The following IQCK variants were observed in gnomAD, a reference collection of about 807,000 sequenced individuals.
The protein encoded by IQCK is IQ motif containing K, also known as IQ domain-containing protein K.
Under a neutral mutation model 28.1 loss-of-function variants are expected in IQCK, and 29 were observed. That is an observed-to-expected ratio of 1.03 (90% CI 0.77 to 1.41). IQCK has a LOEUF of 1.41. IQCK is among the 40% of genes most tolerant of loss of function. The probability of loss-of-function intolerance (pLI) is 0.00; values close to 1 mark genes in which losing one functional copy is unlikely to be tolerated. For synonymous variants in IQCK, 113 were observed against 115.1 expected (o/e 0.98, Z 0.12); for missense variants, 359 against 314.7 (o/e 1.14, Z -1.07).
intron 9 of IQCK, among the ~76,000 whole-genome samples, chr16:19,844,772 A>T (rs2141116130): frequency 6.6e-6 from 1 of 152,192 alleles, no homozygotes; most frequent in African/African-American, 2.4e-5. Flanking sequence ...CAAACACCTT[A>T]CCAAACATGA....
chr16:19,725,341 C>T (rs755614212), intron 1 of IQCK, among the ~76,000 whole-genome samples: 6 of 152,190 alleles, frequency 3.9e-5, no homozygotes, highest in African/African-American at 4.8e-5. Flanking sequence ...GGATTACAGG[C>T]GTGCGCCACC....
intron 4 of IQCK, among the ~76,000 whole-genome samples, chr16:19,739,692 G>A (rs934612778): frequency 1.3e-5 from 2 of 152,104 alleles, no homozygotes; most frequent in Admixed American, 6.5e-5. Flanking sequence ...GCACATGCCT[G>A]TGGTTCCAGT....
At chr16:19,837,844 T>G (rs1448256041) in intron 9 of IQCK, among the ~76,000 whole-genome samples, 1 of 152,204 alleles carries the variant, frequency 6.6e-6, no homozygotes, top group Non-Finnish European at 1.5e-5. Context: ...AGCAAAGCCC[T>G]AATACTATGG....
chr16:19,840,355 C>CA (rs2141110799), intron 9 of IQCK, among the ~76,000 whole-genome samples: 1 of 151,974 alleles, frequency 6.6e-6, no homozygotes, highest in African/African-American at 2.4e-5. Flanking sequence ...GACTCCGTTT[C>CA]AAAAAATAAT....
chr16:19,779,126 A>C (rs964832327), intron 6 of IQCK, among the ~76,000 whole-genome samples: 5 of 152,066 alleles, frequency 3.3e-5, no homozygotes, highest in African/African-American at 1.2e-4. Flanking sequence ...GGGATTACAG[A>C]CGTGAGCCAC....
chr16:19,722,098 A>G (rs1977513754), intron 1 of IQCK, among the ~76,000 whole-genome samples: 1 of 152,262 alleles, frequency 6.6e-6, no homozygotes, highest in South Asian at 2.1e-4. Context: ...GATGACCCCA[A>G]CTGGCTCTCA....
chr16:19,833,215 T>G (rs1444891181), intron 9 of IQCK, among the ~76,000 whole-genome samples: 2 of 152,228 alleles, frequency 1.3e-5, no homozygotes, highest in Non-Finnish European at 2.9e-5. Context: ...TTATTCATCT[T>G]ATAACTGAAA....
intron 1 of IQCK, among the ~76,000 whole-genome samples, chr16:19,727,109 C>T (rs1288265961): frequency 1.4e-4 from 21 of 145,618 alleles, no homozygotes; most frequent in Admixed American, 4.2e-4. Flanking sequence ...CCAGCCTGGG[C>T]GACGGAGCAA....
At chr16:19,804,089 G>A (rs9926151) in intron 7 of IQCK, among the ~76,000 whole-genome samples, 42,907 of 151,970 alleles carry the variant, frequency 0.28, 8,325 homozygotes, top group African/African-American at 0.55. Flanking sequence ...GGCGGCTCAC[G>A]CCTGTAATCC....
At chr16:19,808,763 T>A (rs2055863668) in intron 7 of IQCK, among the ~76,000 whole-genome samples, 1 of 152,222 alleles carries the variant, frequency 6.6e-6, no homozygotes, top group African/African-American at 2.4e-5. Flanking sequence ...ATGAGTCCTG[T>A]GCAGTTGCAC....
At chr16:19,838,864 C>T (rs2056330117) in intron 9 of IQCK, among the ~76,000 whole-genome samples, 1 of 151,394 alleles carries the variant, frequency 6.6e-6, no homozygotes, top group Non-Finnish European at 1.5e-5. Flanking sequence ...ACTAAAAATA[C>T]AATAATTAGC....
At chr16:19,746,885 A>C (rs2054919745) in intron 4 of IQCK, among the ~76,000 whole-genome samples, 1 of 152,244 alleles carries the variant, frequency 6.6e-6, no homozygotes, top group African/African-American at 2.4e-5. Context: ...GATAGGGGGA[A>C]CATTATCATT....
exon 10 of IQCK, chr16:19,857,603 C>T (rs2056577990): frequency 9.4e-6 from 3 of 318,134 alleles, no homozygotes; most frequent in South Asian, 8.2e-5. Context: ...AAGCTGGTAT[C>T]ATCATTGCAT....
chr16:19,748,586 G>A (rs2054944791), intron 4 of IQCK, among the ~76,000 whole-genome samples: 1 of 152,210 alleles, frequency 6.6e-6, no homozygotes, highest in East Asian at 1.9e-4. Flanking sequence ...AATCCTATTA[G>A]CGTTTCTCTT....
chr16:19,792,467 A>G lies in IQCK; in HGVS notation c.690+3545A>G, dbSNP rs1337468691. 2.7e-5 allele frequency among the ~76,000 whole-genome samples: 3 copies of G among 110,030 alleles called. 1 individual carries two copies. Among genetic ancestry groups the G allele is most frequent in the Non-Finnish European group, 4.8e-5 (3 of 63,010 alleles). 72.2% of individuals were successfully genotyped at this position (110,030 alleles called of 152,430 possible). On this transcript the variant is annotated intron_variant, in intron 7 of 7. Coordinates refer to ENST00000564186, the Ensembl canonical transcript of IQCK. ...TTTGAATACATGCACACACACACGGATAGGAAATTAGCTAAAAGGAAACAG... is the reference window on the plus strand; with the variant it reads ...TTTGAATACATGCACACACACACGGGTAGGAAATTAGCTAAAAGGAAACAG...
At chr16:19,855,363 G>A (rs887634957) in intron 9 of IQCK, among the ~76,000 whole-genome samples, 3 of 152,140 alleles carry the variant, frequency 2.0e-5, no homozygotes, top group African/African-American at 7.2e-5. Flanking sequence ...AGGCTGAGGC[G>A]GGTGGATCAC....
chr16:19,786,142 A>T (rs575114405), intron 6 of IQCK, among the ~76,000 whole-genome samples: 1 of 152,330 alleles, frequency 6.6e-6, no homozygotes, highest in South Asian at 2.1e-4. Context: ...GTCTCTCTAG[A>T]AGCTGTTGAA....
At chr16:19,739,436 A>T (rs2054802124) in intron 4 of IQCK, among the ~76,000 whole-genome samples, 1 of 152,248 alleles carries the variant, frequency 6.6e-6, no homozygotes, top group African/African-American at 2.4e-5. Flanking sequence ...TCAATGATTC[A>T]GGTACTGATG....
At chr16:19,855,925 A>G (rs1419446378) in intron 9 of IQCK, among the ~76,000 whole-genome samples, 1 of 151,926 alleles carries the variant, frequency 6.6e-6, no homozygotes, top group African/African-American at 2.4e-5. Context: ...AATTGGGGAG[A>G]GGCTTTTATC....
Sources: allele counts gnomAD v4.1 joint callset (sites outside exome capture counted in the v4.1 genomes callset), GRCh38; gene constraint gnomAD v4.1.1; transcripts MANE v1.5; gene names NCBI Gene and HGNC (gene_info 2026-07-23, HGNC 2026-07-21).